Variants in ERC2 observed in about 807,000 individuals in gnomAD.
ERC2 encodes ERC protein 2.
Under a neutral mutation model 114.8 loss-of-function variants are expected in ERC2, and 42 were observed. That is an observed-to-expected ratio of 0.37 (90% CI 0.29 to 0.47). The LOEUF is 0.47. Among genes scored for constraint, ERC2 ranks in the 20% least tolerant of loss-of-function variants. The pLI, the probability that ERC2 is intolerant of heterozygous loss-of-function variation, is 0.99. For synonymous variants in ERC2, 454 were observed against 425.5 expected (o/e 1.07, Z -0.82); for missense variants, 939 against 1,150.7 (o/e 0.82, Z 2.66).
intron 7 of ERC2, among the ~76,000 whole-genome samples, chr3:56,051,607 A>G (rs376823285): frequency 2.2e-4 from 34 of 152,234 alleles, no homozygotes; most frequent in Middle Eastern, 6.8e-3. Context: ...GACTTAAGCA[A>G]AACAGGACAC....
chr3:55,709,575 T>G (rs1320014248), intron 15 of ERC2, among the ~76,000 whole-genome samples: 1 of 152,108 alleles, frequency 6.6e-6, no homozygotes, highest in Non-Finnish European at 1.5e-5. Context: ...TCCTGAGAAC[T>G]GTGGGAGGAC....
chr3:55,779,791 A>AC (rs2068894090), intron 14 of ERC2, among the ~76,000 whole-genome samples: 1 of 152,242 alleles, frequency 6.6e-6, no homozygotes, highest in Non-Finnish European at 1.5e-5. Context: ...ATATGAGATC[A>AC]TTCAAAGCAG....
Position 55,994,773 on chromosome 3 carries a change from G to T in ERC2, c.2062-2523C>A, listed in dbSNP as rs566902978. On this transcript the variant is annotated intron_variant, in intron 10 of 17. Transcript: ENST00000288221. ...CATGAAGAAAAGATGATTATTCAACGCCACTTTTCAACAGTGGGTGAAATC... is the reference window on the plus strand; with the variant it reads ...CATGAAGAAAAGATGATTATTCAACTCCACTTTTCAACAGTGGGTGAAATC... 8.7e-5 allele frequency among the ~76,000 whole-genome samples: 13 copies of T among 149,132 alleles called. No homozygotes were observed. The South Asian group carries it at 1.8e-3, about 20-fold the overall frequency.
At chr3:56,189,356 G>A (rs7628255) in intron 3 of ERC2, among the ~76,000 whole-genome samples, 115,247 of 152,112 alleles carry the variant, frequency 0.76, 46,076 homozygotes, top group South Asian at 0.89. Flanking sequence ...CCATCCTGGT[G>A]ACTCTTCTGT....
chr3:55,637,025 G>A (rs2059985792), intron 17 of ERC2, among the ~76,000 whole-genome samples: 1 of 152,162 alleles, frequency 6.6e-6, no homozygotes, highest in Non-Finnish European at 1.5e-5. Flanking sequence ...TGGTCTCACA[G>A]GTGTGCCCGT....
chr3:56,040,410 A>G (rs1285884229), intron 7 of ERC2, among the ~76,000 whole-genome samples: 1 of 150,988 alleles, frequency 6.6e-6, no homozygotes, highest in Non-Finnish European at 1.5e-5. Context: ...GCCGGAGTGC[A>G]GTAGCATGAG....
At chr3:56,085,637 G>A (rs6788520) in intron 6 of ERC2, among the ~76,000 whole-genome samples, 142,745 of 152,240 alleles carry the variant, frequency 0.94, 67,146 homozygotes, top group East Asian at 1. Context: ...TCATCTACCA[G>A]CCTGGCATAA....
chr3:55,867,687 A>G (rs1222216225), intron 14 of ERC2, among the ~76,000 whole-genome samples: 2 of 152,204 alleles, frequency 1.3e-5, no homozygotes, highest in African/African-American at 4.8e-5. Context: ...TTTGCTAGTC[A>G]ATATTTCTCA....
At chr3:55,625,374 G>GAAAAAAAAAAAAAA (rs60450668) in intron 17 of ERC2, among the ~76,000 whole-genome samples, 2 of 119,878 alleles carry the variant, frequency 1.7e-5, no homozygotes, top group Non-Finnish European at 3.5e-5. Flanking sequence ...CTCAAAAAAA[G>GAAAAAAAAAAAAAA]AAAAAAAAAA....
intron 15 of ERC2, 110 bp from the exon 16 acceptor site, chr3:55,699,622 G>T: frequency 8.3e-7 from 1 of 1,205,704 alleles, no homozygotes; most frequent in Non-Finnish European, 1.1e-6. Flanking sequence ...CCTAATTCAG[G>T]AATTTTCACT....
intron 2 of ERC2, among the ~76,000 whole-genome samples, chr3:56,400,594 G>A (rs2060484593): frequency 6.6e-6 from 1 of 152,114 alleles, no homozygotes; most frequent in Non-Finnish European, 1.5e-5. Flanking sequence ...GAATTAAAAG[G>A]AGGAAAAGTA....
chr3:55,552,068 C>T (rs1001645724), intron 17 of ERC2, among the ~76,000 whole-genome samples: 3 of 152,142 alleles, frequency 2.0e-5, no homozygotes, highest in Admixed American at 6.6e-5. Context: ...CATAGAACCC[C>T]GCACCTCTAA....
Position 55,952,198 on chromosome 3 carries a change from C to CTCTA in ERC2, c.2268-1639_2268-1638insTAGA, listed in dbSNP as rs1339982987. Among the ~76,000 whole-genome samples, 7 of 108,666 alleles carry CTCTA rather than the reference C, an allele frequency of 6.4e-5. 2 individuals are homozygous for CTCTA. In the South Asian group the frequency reaches 1.1e-3, roughly 17 times the overall value. 71.3% of individuals were successfully genotyped at this position (108,666 alleles called of 152,430 possible). A position where few individuals can be genotyped will look rare whatever the true frequency, so the allele number is the denominator to read the frequency against. ...ACACACACTCTCTCTCTCTCTCTCT[C>CTCTA]TATATATATATATATATATTCTGAA... On this transcript the variant is annotated intron_variant, in intron 12 of 17. Coordinates refer to ENST00000288221, the MANE Select transcript of ERC2 (RefSeq NM_015576.3).
chr3:55,729,971 G>T (rs1274466273), intron 15 of ERC2, among the ~76,000 whole-genome samples: 2 of 150,634 alleles, frequency 1.3e-5, no homozygotes, highest in Non-Finnish European at 2.9e-5. Context: ...TCGTTAAGTT[G>T]AATTCCAATG....
Position 56,198,842 on chromosome 3 carries a change from A to G in ERC2, c.1075-25322T>C, listed in dbSNP as rs1024843217. Among the ~76,000 whole-genome samples the G allele has an allele frequency of 3.3e-5, 5 of 152,250 alleles. No individual in the cohort carries two copies. The South Asian group carries it at 8.3e-4, about 25-fold the overall frequency. ...AGGATCACCCTGGGACTGGGTCCAG[A>G]CTATACAAGATCACAGGCCACCACA... On this transcript the variant is annotated intron_variant, in intron 3 of 17. Coordinates refer to ENST00000288221, the MANE Select transcript of ERC2 (RefSeq NM_015576.3).
intron 3 of ERC2, among the ~76,000 whole-genome samples, chr3:56,257,152 C>T (rs1022185233): frequency 6.6e-6 from 1 of 152,134 alleles, no homozygotes; most frequent in African/African-American, 2.4e-5. Context: ...CCCCCAATCT[C>T]TTCTAGGTTT....
At chr3:55,769,836 A>T (rs1176086648) in intron 14 of ERC2, among the ~76,000 whole-genome samples, 2 of 152,154 alleles carry the variant, frequency 1.3e-5, no homozygotes, top group African/African-American at 4.8e-5. Flanking sequence ...AAAACTCTGG[A>T]AAGGCAAGTG....
At chr3:56,304,381 T>C (rs2056087070) in intron 2 of ERC2, among the ~76,000 whole-genome samples, 1 of 152,224 alleles carries the variant, frequency 6.6e-6, no homozygotes, top group Non-Finnish European at 1.5e-5. Flanking sequence ...TCTTACATAA[T>C]CTGACTCTAG....
intron 17 of ERC2, among the ~76,000 whole-genome samples, chr3:55,667,415 TAG>T (rs1256531402): frequency 6.6e-6 from 1 of 152,256 alleles, no homozygotes; most frequent in African/African-American, 2.4e-5. Flanking sequence ...GTGAAACCTT[TAG>T]AGAGTGATCG....
Sources: allele counts gnomAD v4.1 joint callset (sites outside exome capture counted in the v4.1 genomes callset), GRCh38; gene constraint gnomAD v4.1.1; transcripts MANE v1.5; gene names NCBI Gene and HGNC (gene_info 2026-07-23, HGNC 2026-07-21).